The following KCNN3 variants were observed in gnomAD, a reference collection of about 807,000 sequenced individuals.
KCNN3 encodes potassium calcium-activated channel subfamily N member 3, also known as small conductance calcium-activated potassium channel protein 3.
KCNN3 carries 16 observed loss-of-function variants against 62.9 expected under a neutral mutation model. That is an observed-to-expected ratio of 0.25 (90% CI 0.17 to 0.39). KCNN3 has a LOEUF of 0.39. Ranked by LOEUF, KCNN3 falls within the 10% of genes least tolerant of loss-of-function variation. KCNN3 has a pLI of 1.00. For missense variants in KCNN3, 599 were observed against 949.4 expected (o/e 0.63, Z 4.85); for synonymous variants, 370 against 389.2 (o/e 0.95, Z 0.58).
chr1:154,836,170 A>T (rs950878911), intron 1 of KCNN3, among the ~76,000 whole-genome samples: 4 of 152,182 alleles, frequency 2.6e-5, no homozygotes, highest in Non-Finnish European at 5.9e-5. Context: ...GCAAACAAGG[A>T]CACCCAGCAC....
chr1:154,777,437 C>A (rs1286273890), intron 2 of KCNN3, among the ~76,000 whole-genome samples: 1 of 152,154 alleles, frequency 6.6e-6, no homozygotes, highest in Non-Finnish European at 1.5e-5. Context: ...TGTTAACCAC[C>A]CAGAATGGAA....
intron 1 of KCNN3, among the ~76,000 whole-genome samples, chr1:154,847,042 C>T (rs867814757): frequency 2.0e-5 from 3 of 151,994 alleles, no homozygotes; most frequent in Non-Finnish European, 4.4e-5. Flanking sequence ...CCCCTCACCC[C>T]CCTCCCTGAG....
rs570991074 is a variant in KCNN3 at position 154,736,969 on chromosome 1, G to A, written c.1449-3825C>T. The A allele has an allele frequency of 1.0e-4, 72 of 698,476 alleles. No homozygotes were observed. In the African/African-American group the frequency reaches 1.2e-3, roughly 11 times the overall value. The allele number at this position is 698,476 out of a possible 1,614,324, so 43.3% of individuals were successfully genotyped here. ...TGGTGGGGGCTACGGAAGATGCTGA[G>A]ATGAATTGGACATGCACCCTGCTCT... On this transcript the variant is annotated intron_variant, in intron 3 of 7. Transcript: ENST00000271915.
chr1:154,783,074 G>T (rs186798841), intron 2 of KCNN3, among the ~76,000 whole-genome samples: 1 of 152,052 alleles, frequency 6.6e-6, no homozygotes, highest in Non-Finnish European at 1.5e-5. Context: ...CTAGCCGGGC[G>T]TGGTGGTGGG....
chr1:154,756,850 C>A (rs796409457), intron 3 of KCNN3, among the ~76,000 whole-genome samples: 17 of 152,294 alleles, frequency 1.1e-4, no homozygotes, highest in African/African-American at 4.1e-4. Flanking sequence ...GGGAAAAAAT[C>A]ATGTGTGTTT....
chr1:154,869,443 G>A lies in KCNN3; in HGVS notation c.522C>T (p.Ala174=). The part of the protein sequence containing the change: ...RRDSNPFTEI[A]MSSCKYSGGV... ...CACCGCTATACTTGCAGGAGCTCAT[G>A]GCGATCTCCGTGAAGGGGTTGCTGT... The change falls in exon 1 of 8, where the codon GCC becomes GCT. Residue 174 remains alanine (A), a synonymous_variant. Transcript: ENST00000271915. This position sits in a 1 kb window ranked among gnomAD's most constrained non-coding sequence, Gnocchi z 6.1. 3 of 1,614,120 alleles carry A rather than the reference G, an allele frequency of 1.9e-6. No homozygotes were observed. The highest frequency in any genetic ancestry group is 2.5e-6 in the Non-Finnish European group (3 of 1,179,986).
rs1431645447 is a variant in KCNN3 at position 154,851,389 on chromosome 1, A to T, written c.933+17643T>A. ...GAAGCTTGCCACGGCCTCAAGCACC[A>T]TCCTGTGACCTCTTACAACCCCTGG... On this transcript the variant is annotated intron_variant, in intron 1 of 7. Transcript: ENST00000271915. Among the ~76,000 whole-genome samples, 3 of 152,194 alleles carry T rather than the reference A, an allele frequency of 2.0e-5. No homozygotes were observed. In the East Asian group the frequency reaches 5.8e-4, roughly 29 times the overall value.
chr1:154,726,595 A>C (rs1571215618), intron 4 of KCNN3, among the ~76,000 whole-genome samples: 5 of 152,366 alleles, frequency 3.3e-5, no homozygotes, highest in Admixed American at 3.3e-4. Flanking sequence ...CCAGGTTGGC[A>C]CGAACACGTG....
intron 1 of KCNN3, among the ~76,000 whole-genome samples, chr1:154,840,917 C>CA (rs1353794074): frequency 6.6e-6 from 1 of 152,248 alleles, no homozygotes; most frequent in Non-Finnish European, 1.5e-5. Context: ...TGAGTGTGTG[C>CA]ACCGCACCCT....
At chr1:154,825,469 C>T (rs1651068130) in intron 1 of KCNN3, among the ~76,000 whole-genome samples, 1 of 150,632 alleles carries the variant, frequency 6.6e-6, no homozygotes, top group South Asian at 2.1e-4. Flanking sequence ...GGGTTCATGC[C>T]ATTCTCCTGC....
intron 2 of KCNN3, 82 bp downstream of exon 2, chr1:154,822,006 GT>G: frequency 9.9e-7 from 1 of 1,005,382 alleles, no homozygotes; most frequent in Non-Finnish European, 1.6e-6. Context: ...AAGGGAGTGG[GT>G]TTTGGGGGTG....
intron 7 of KCNN3, among the ~76,000 whole-genome samples, chr1:154,708,533 CT>C (rs201926552): frequency 4.7e-4 from 70 of 148,914 alleles, no homozygotes; most frequent in African/African-American, 1.2e-3. Flanking sequence ...AAAAATGGCC[CT>C]TTTTTTTTTC....
intron 2 of KCNN3, among the ~76,000 whole-genome samples, chr1:154,803,825 C>T (rs1159472374): frequency 2.0e-5 from 3 of 152,224 alleles, no homozygotes; most frequent in Non-Finnish European, 4.4e-5. Context: ...AAGGAGGCAT[C>T]TGCCCAGGCA....
chr1:154,841,792 G>C (rs6666258), intron 1 of KCNN3, among the ~76,000 whole-genome samples: 45,329 of 152,154 alleles, frequency 0.3, 7,161 homozygotes, highest in African/African-American at 0.37. Context: ...AGCCGAAGGG[G>C]CTGTGCAGGG....
rs150724422 is a variant in KCNN3 at position 154,824,014 on chromosome 1, A to T, written c.934-1830T>A. On this transcript the variant is annotated intron_variant, in intron 1 of 7. Transcript: ENST00000271915. ...CTTGAGGCCCACTGGAGATACAAAG[A>T]AAACTAATAAAGTAACTAATTCATT... is the stretch of plus-strand genomic sequence containing the variant. Among the ~76,000 whole-genome samples the T allele has an allele frequency of 1.8e-3, 281 of 152,372 alleles. 2 individuals are homozygous for T. Among genetic ancestry groups the T allele is most frequent in the Admixed American group, 3.8e-3 (58 of 15,308 alleles).
chr1:154,860,674 G>A (rs953516623), intron 1 of KCNN3, among the ~76,000 whole-genome samples: 2 of 152,200 alleles, frequency 1.3e-5, no homozygotes, highest in Non-Finnish European at 2.9e-5. Flanking sequence ...TGAGAAAAGG[G>A]GCATGTTCCA....
chr1:154,726,722 G>A (rs7552920), intron 4 of KCNN3, among the ~76,000 whole-genome samples: 1 of 152,122 alleles, frequency 6.6e-6, no homozygotes, highest in African/African-American at 2.4e-5. Flanking sequence ...TGAATTCACC[G>A]TCATGCAGAG....
At chr1:154,731,026 A>G (rs149886754) in intron 4 of KCNN3, among the ~76,000 whole-genome samples, 2 of 152,160 alleles carry the variant, frequency 1.3e-5, no homozygotes, top group Admixed American at 1.3e-4. Flanking sequence ...TGCTTCTTGG[A>G]TGGGGACAGC....
At chr1:154,806,772 A>T (rs913547946) in intron 2 of KCNN3, among the ~76,000 whole-genome samples, 1 of 152,220 alleles carries the variant, frequency 6.6e-6, no homozygotes, top group Non-Finnish European at 1.5e-5. Context: ...TTGGTGCCCA[A>T]TGAATAAATC....
Sources: allele counts gnomAD v4.1 joint callset (sites outside exome capture counted in the v4.1 genomes callset), GRCh38; gene constraint gnomAD v4.1.1; non-coding constraint Gnocchi (gnomAD v3.1); transcripts MANE v1.5; gene names NCBI Gene and HGNC (gene_info 2026-07-23, HGNC 2026-07-21).